The following XKR6 variants were observed in gnomAD, a reference collection of about 807,000 sequenced individuals.
The protein encoded by XKR6 is XK related 6.
A neutral mutation model predicts 56.7 loss-of-function variants in XKR6; 22 were observed. The observed-to-expected ratio is 0.39, with a 90% CI of 0.28 to 0.55. XKR6 has a LOEUF of 0.55. XKR6 is among the 20% of genes least tolerant of loss of function. The pLI is 0.66. For missense variants in XKR6, 852 were observed against 889.0 expected (o/e 0.96, Z 0.53); for synonymous variants, 524 against 387.8 (o/e 1.35, Z -4.13).
chr8:11,131,261 C>T (rs1486990475), intron 1 of XKR6, among the ~76,000 whole-genome samples: 1 of 152,102 alleles, frequency 6.6e-6, no homozygotes, highest in African/African-American at 2.4e-5. Flanking sequence ...TCAACTGTAT[C>T]CTATTTCTGT....
chr8:10,993,580 C>A (rs562426668), intron 1 of XKR6, among the ~76,000 whole-genome samples: 1 of 152,328 alleles, frequency 6.6e-6, no homozygotes, highest in African/African-American at 2.4e-5. Flanking sequence ...GCACCTGCGG[C>A]TACTGAGGCC....
intron 2 of XKR6, among the ~76,000 whole-genome samples, chr8:10,912,065 G>C (rs75600151): frequency 6.7e-6 from 1 of 148,732 alleles, no homozygotes; most frequent in Non-Finnish European, 1.5e-5. Flanking sequence ...GAGAAAGGAC[G>C]TGTATACATA....
At chr8:11,041,132 G>C (rs1353340347) in intron 1 of XKR6, among the ~76,000 whole-genome samples, 1 of 152,038 alleles carries the variant, frequency 6.6e-6, no homozygotes, top group Non-Finnish European at 1.5e-5. Flanking sequence ...GAGACGTTAG[G>C]GACAGCTCAG....
chr8:10,922,904 C>T (rs925189403), intron 2 of XKR6, among the ~76,000 whole-genome samples: 2 of 152,206 alleles, frequency 1.3e-5, no homozygotes, highest in South Asian at 2.1e-4. Flanking sequence ...CAGCTGGAGC[C>T]GGACATCAAG....
rs1019255053 is a variant in XKR6, at chr8:10,979,897, G to A, written c.765-55067C>T. On this transcript the variant is annotated intron_variant, in intron 1 of 2. Transcript: ENST00000416569. ...TCTCTGGTCCTCTTGGTGTTTGGGGGACTTATAAGGACATCTATTGTGACC... is the reference window on the plus strand; with the variant it reads ...TCTCTGGTCCTCTTGGTGTTTGGGGAACTTATAAGGACATCTATTGTGACC... Among the ~76,000 whole-genome samples the A allele has an allele frequency of 3.9e-5, 6 of 152,166 alleles. No homozygotes were observed. The South Asian group carries it at 6.2e-4, about 16-fold the overall frequency.
chr8:10,973,926 T>A (rs1365566486), intron 1 of XKR6, among the ~76,000 whole-genome samples: 2 of 152,230 alleles, frequency 1.3e-5, no homozygotes, highest in Admixed American at 6.5e-5. Flanking sequence ...GTTAGCACAG[T>A]GCATAGATAC....
At chr8:11,068,996 C>G (rs1036019771) in intron 1 of XKR6, among the ~76,000 whole-genome samples, 1 of 152,216 alleles carries the variant, frequency 6.6e-6, no homozygotes, top group Non-Finnish European at 1.5e-5. Context: ...CCATGGCCAG[C>G]CCAACCTCGG....
At chr8:11,198,975 TTGAG>T (rs1216789351) in intron 1 of XKR6, among the ~76,000 whole-genome samples, 2 of 152,144 alleles carry the variant, frequency 1.3e-5, no homozygotes, top group Non-Finnish European at 2.9e-5. Flanking sequence ...CGATATGACT[TTGAG>T]TGTGTGGGTG....
chr8:11,013,961 C>T (rs1009190433), intron 1 of XKR6, among the ~76,000 whole-genome samples: 3 of 152,212 alleles, frequency 2.0e-5, no homozygotes, highest in Non-Finnish European at 4.4e-5. Flanking sequence ...AATCCATTCC[C>T]AGTCACTGCG....
chr8:10,925,389 C>T (rs1033526083), intron 1 of XKR6, among the ~76,000 whole-genome samples: 1 of 152,170 alleles, frequency 6.6e-6, no homozygotes, highest in African/African-American at 2.4e-5. Context: ...AGAAAGGTCA[C>T]CCCCACTGCA....
intron 1 of XKR6, among the ~76,000 whole-genome samples, chr8:11,117,311 C>T (rs921559699): frequency 2.6e-5 from 4 of 152,164 alleles, no homozygotes; most frequent in African/African-American, 9.7e-5. Context: ...CTGACACATA[C>T]GCCTCTTGTC....
chr8:10,995,158 C>T (rs1563334481), intron 1 of XKR6, among the ~76,000 whole-genome samples: 1 of 152,064 alleles, frequency 6.6e-6, no homozygotes, highest in Non-Finnish European at 1.5e-5. Flanking sequence ...TTTGCCTTTA[C>T]TATCTATCAG....
chr8:11,049,249 G>T (rs1192160924), intron 1 of XKR6, among the ~76,000 whole-genome samples: 1 of 152,244 alleles, frequency 6.6e-6, no homozygotes, highest in Non-Finnish European at 1.5e-5. Context: ...AATGAAACCT[G>T]CTCTTGGCAT....
chr8:11,015,539 A>T (rs112549321), intron 1 of XKR6, among the ~76,000 whole-genome samples: 5,633 of 152,016 alleles, frequency 0.037, 354 homozygotes, highest in African/African-American at 0.13. Context: ...GGAGAGGGGG[A>T]CGCTGGCAGA....
chr8:10,959,023 G>T (rs1801980188), intron 1 of XKR6, among the ~76,000 whole-genome samples: 1 of 152,242 alleles, frequency 6.6e-6, no homozygotes, highest in Non-Finnish European at 1.5e-5. Context: ...GGGAAACCCT[G>T]CAGGGCTTCT....
intron 1 of XKR6, among the ~76,000 whole-genome samples, chr8:10,962,533 T>C (rs909525849): frequency 6.6e-6 from 1 of 152,212 alleles, no homozygotes; most frequent in Non-Finnish European, 1.5e-5. Context: ...TTGGAACTTG[T>C]AAGGAAGTTC....
chr8:10,929,334 C>T (rs1374365904), intron 1 of XKR6, among the ~76,000 whole-genome samples: 1 of 152,236 alleles, frequency 6.6e-6, no homozygotes, highest in African/African-American at 2.4e-5. Flanking sequence ...TTTACAGGTG[C>T]AGTATTACCT....
At chr8:11,059,467 A>T (rs1016078127) in intron 1 of XKR6, among the ~76,000 whole-genome samples, 1 of 152,156 alleles carries the variant, frequency 6.6e-6, no homozygotes, top group Admixed American at 6.5e-5. Flanking sequence ...GCCGAGAAGG[A>T]GGCCCCGCCC....
intron 1 of XKR6, among the ~76,000 whole-genome samples, chr8:11,064,264 G>T (rs555984779): frequency 6.6e-6 from 1 of 152,266 alleles, no homozygotes; most frequent in Admixed American, 6.5e-5. Flanking sequence ...CTTTCAGCTA[G>T]GAAAGAGAGG....
Sources: gnomAD v4.1 joint callset for allele counts (sites outside exome capture counted in the v4.1 genomes callset) on GRCh38, gnomAD v4.1.1 for gene constraint, MANE v1.5 for transcripts, NCBI Gene and HGNC (gene_info 2026-07-23, HGNC 2026-07-21) for gene names.